Variants in KMT2C observed in about 807,000 individuals in gnomAD.
KMT2C encodes histone-lysine N-methyltransferase 2C.
Under a neutral mutation model 507.9 loss-of-function variants are expected in KMT2C, and 88 were observed. That is an observed-to-expected ratio of 0.17 (90% confidence interval 0.15 to 0.21). The LOEUF is 0.21. Among genes scored for constraint, KMT2C ranks in the 10% least tolerant of loss-of-function variants. The pLI, the probability that KMT2C is intolerant of heterozygous loss-of-function variation, is 1.00. For missense variants in KMT2C, 4,954 were observed against 5,957.8 expected, an observed-to-expected ratio of 0.83 and a Z score of 5.55; for synonymous variants, 2,049 against 2,080.8, an observed-to-expected ratio of 0.98 and a Z score of 0.42.
chr7:152,347,764 T>C (rs1288198506), intron 2 of KMT2C, among the ~76,000 whole-genome samples: 1 of 152,232 alleles, frequency 6.6e-6, no homozygotes, highest in Non-Finnish European at 1.5e-5. Context: ...AACAGACAAG[T>C]ATCTACATAT....
chr7:152,220,322 C>T (rs1290638147), intron 23 of KMT2C: 3 of 580,474 alleles, frequency 5.2e-6, no homozygotes, highest in Non-Finnish European at 9.2e-6. Context: ...TAGGTCTGTT[C>T]TAAAATGTGT....
At chr7:152,207,929 C>G (rs1289116821) in intron 23 of KMT2C, among the ~76,000 whole-genome samples, 1 of 152,178 alleles carries the variant, frequency 6.6e-6, no homozygotes, top group African/African-American at 2.4e-5. Flanking sequence ...CCACCTCAAT[C>G]ATTCCTAATC....
chr7:152,350,600 AAC>A (rs1362238172), intron 2 of KMT2C, among the ~76,000 whole-genome samples: 1 of 152,212 alleles, frequency 6.6e-6, no homozygotes, highest in Non-Finnish European at 1.5e-5. Flanking sequence ...ACAGTGTAAA[AAC>A]ACAAAAAATG....
chr7:152,290,781 A>C (rs1355772810), intron 6 of KMT2C, among the ~76,000 whole-genome samples: 1 of 152,166 alleles, frequency 6.6e-6, no homozygotes, highest in East Asian at 1.9e-4. Flanking sequence ...AGTATCTTTT[A>C]ATAAACAGAA....
At chr7:152,256,413 A>T (rs1414214322) in intron 9 of KMT2C, among the ~76,000 whole-genome samples, 1 of 152,094 alleles carries the variant, frequency 6.6e-6, no homozygotes, top group Non-Finnish European at 1.5e-5. Context: ...AAAAGTAAAA[A>T]ATTAGCTGGG....
chr7:152,249,653 T>TAATC lies in KMT2C; in HGVS notation c.1813+219_1813+222dup, dbSNP rs59715720. On this transcript the variant is annotated intron_variant, in intron 13 of 58. Coordinates refer to ENST00000262189, the MANE Select transcript of KMT2C (RefSeq NM_170606.3). Reference sequence around the variant, plus strand: ...CAGATCTGAAAGTACAAAATATTTTTAATCATGACCTCCCCCCTCCAAAAA... The same window carrying TAATC: ...CAGATCTGAAAGTACAAAATATTTTTAATCAATCATGACCTCCCCCCTCCAAAAA... 8.2e-3 allele frequency among the ~76,000 whole-genome samples: 750 copies of TAATC among 91,718 alleles called. 6 individuals carry two copies. Among genetic ancestry groups the TAATC allele is most frequent in the African/African-American group, 0.03 (724 of 23,962 alleles). 60.2% of individuals were successfully genotyped at this position (91,718 alleles called of 152,430 possible). A position where few individuals can be genotyped will look rare whatever the true frequency, so the allele number is the denominator to read the frequency against.
intron 1 of KMT2C, among the ~76,000 whole-genome samples, chr7:152,408,608 G>T (rs534722757): frequency 9.3e-4 from 141 of 152,236 alleles, no homozygotes; most frequent in Non-Finnish European, 1.6e-3. Context: ...ATTGTGAACT[G>T]CACAAGCAAG....
At chr7:152,170,498 C>G (rs1031271238) in intron 40 of KMT2C, among the ~76,000 whole-genome samples, 5 of 152,102 alleles carry the variant, frequency 3.3e-5, no homozygotes, top group African/African-American at 9.7e-5. Flanking sequence ...ATATTGTTTT[C>G]TACTTGCTGT....
At position 152,148,448 on chromosome 7, in the gene KMT2C, G is replaced by A. The variant is rs760963156; in HGVS notation, c.13479C>T (p.Cys4493=). 3.1e-6 allele frequency: 5 copies of A among 1,614,256 alleles called. No homozygotes were observed. Among genetic ancestry groups the A allele is most frequent in the South Asian group, 1.1e-5 (1 of 91,086 alleles). The change falls in exon 52 of 59, where the codon TGC becomes TGT. Residue 4493 remains cysteine (C), a synonymous_variant. Coordinates refer to ENST00000262189, the MANE Select transcript of KMT2C (RefSeq NM_170606.3). This position sits in a 1 kb window ranked among gnomAD's most constrained non-coding sequence, Gnocchi z 7.1. ...GCATAGTTTTGTCCTTAAAAAACAT[G>A]CATTGTGCTTTAATGGCGCAAGTGA... ...YHFTCAIKAQ[C]MFFKDKTMLC...
At position 152,152,827 on chromosome 7, in the gene KMT2C, C is replaced by G. The variant is rs532068337; in HGVS notation, c.12404G>C (p.Gly4135Ala). 5 of 1,614,192 alleles carry G rather than the reference C, an allele frequency of 3.1e-6. No homozygotes were observed. In the South Asian group the frequency reaches 3.3e-5, roughly 11 times the overall value. ...GLVSSHRINP[G>A]LEYRQHLLLR... is the part of the protein sequence containing the mutation. ...AAGTAAATGCTGTCGATACTCCAAACCCGGGTTGATTCTGTGGCTACTGAC... is the reference window on the plus strand; with the variant it reads ...AAGTAAATGCTGTCGATACTCCAAAGCCGGGTTGATTCTGTGGCTACTGAC... Residue 4135 changes from glycine (G) to alanine (A), a missense_variant, in exon 49 of 59, where the codon GGT (glycine) becomes GCT (alanine). By Grantham distance (60) the Gly-to-Ala change is moderately conservative. Around this residue, in one of 29 missense-constraint regions of KMT2C, gnomAD observed 417 missense variants for 461.1 expected, o/e 0.90. Transcript: ENST00000262189.
chr7:152,427,753 A>G (rs948723802), intron 1 of KMT2C, among the ~76,000 whole-genome samples: 3 of 152,194 alleles, frequency 2.0e-5, no homozygotes, highest in African/African-American at 7.2e-5. Context: ...CAGTGATTAC[A>G]TGTTAAGTCA....
At chr7:152,427,380 T>A (rs1367100653) in intron 1 of KMT2C, among the ~76,000 whole-genome samples, 1 of 152,198 alleles carries the variant, frequency 6.6e-6, no homozygotes, top group Non-Finnish European at 1.5e-5. Flanking sequence ...TACACACAGT[T>A]TGGGTTTATG....
In KMT2C at chr7:152,177,850, C is replaced by T. The variant is rs1381213679; in HGVS notation, c.7603G>A (p.Val2535Ile). ...GGTGAAAAATGCTGAGGAAGTCCAA[C>T]TGGATTATTCATTTGTGAGTTATTT... is the stretch of plus-strand genomic sequence containing the variant. ...PLNNSQMNNP[V>I]GLPQHFSPQS... The change falls in exon 38 of 59, where the codon GTT (valine) becomes ATT (isoleucine). Residue 2535 changes from valine to isoleucine, a missense_variant. By Grantham distance (29) the Val-to-Ile change is conservative. Coordinates refer to ENST00000262189, the MANE Select transcript of KMT2C (RefSeq NM_170606.3). 1.2e-6 allele frequency: 2 copies of T among 1,613,578 alleles called. No individual in the cohort carries two copies. The highest frequency in any genetic ancestry group is 1.7e-6 in the Non-Finnish European group (2 of 1,179,926).
intron 2 of KMT2C, among the ~76,000 whole-genome samples, chr7:152,344,857 T>C (rs1224080442): frequency 6.6e-6 from 1 of 151,932 alleles, no homozygotes; most frequent in Non-Finnish European, 1.5e-5. Flanking sequence ...CAGGAAAGCA[T>C]GCGCCTGTAG....
chr7:152,250,382 C>A (rs1032287979), intron 12 of KMT2C, among the ~76,000 whole-genome samples: 4 of 152,120 alleles, frequency 2.6e-5, no homozygotes, highest in African/African-American at 9.7e-5. Flanking sequence ...TTTCCCCCAA[C>A]ATGGTCTCTT....
chr7:152,180,866 C>T lies in KMT2C; in HGVS notation c.6994G>A (p.Gly2332Arg), dbSNP rs754298459. The T allele has an allele frequency of 1.1e-5, 18 of 1,614,024 alleles. No homozygotes were observed. The highest frequency in any genetic ancestry group is 1.5e-5 in the Non-Finnish European group (18 of 1,180,038). ...VADQPRPGSE[G>R]SFCASSNSPM... ...GAGTTTGAAGATGCACAGAAGCTCC[C>T]CTCTGATCCAGGCCTTGGCTGATCA... is the stretch of plus-strand genomic sequence containing the variant. The change falls in exon 36 of 59, where the codon GGG (glycine) becomes AGG (arginine). Residue 2332 changes from glycine (G) to arginine (R), a missense_variant. Physicochemically the swap from Gly to Arg is moderately radical, Grantham distance 125 (BLOSUM62 -2). Transcript: ENST00000262189.
At chr7:152,355,911 G>A (rs1411503641) in intron 2 of KMT2C, among the ~76,000 whole-genome samples, 3 of 152,074 alleles carry the variant, frequency 2.0e-5, no homozygotes, top group Non-Finnish European at 2.9e-5. Context: ...TTGAAAGGGG[G>A]TGATTCTGCA....
intron 6 of KMT2C, among the ~76,000 whole-genome samples, chr7:152,302,008 T>C (rs1376265715): frequency 2.6e-5 from 4 of 152,142 alleles, no homozygotes; most frequent in African/African-American, 4.8e-5. Flanking sequence ...CACCTTACTA[T>C]AGGAAGGCTA....
intron 1 of KMT2C, among the ~76,000 whole-genome samples, chr7:152,371,149 G>A (rs978676668): frequency 1.6e-4 from 25 of 152,084 alleles, no homozygotes; most frequent in Non-Finnish European, 3.5e-4. Context: ...TTTAAGTCTA[G>A]TATAAATGTA....
Sources: gnomAD v4.1 joint callset for allele counts (sites outside exome capture counted in the v4.1 genomes callset) on GRCh38, gnomAD v4.1.1 for gene constraint, gnomAD v4.1.1 regional missense constraint, Gnocchi (gnomAD v3.1) non-coding constraint, MANE v1.5 for transcripts, NCBI Gene and HGNC (gene_info 2026-07-23, HGNC 2026-07-21) for gene names.